Variants in TACR3 observed in about 807,000 individuals in gnomAD.
The protein encoded by TACR3 is neuromedin-K receptor.
TACR3 carries 34 observed loss-of-function variants against 35.0 expected under a neutral mutation model. The observed-to-expected ratio is 0.97, with a 90% CI of 0.74 to 1.30. The LOEUF (loss-of-function observed/expected upper bound fraction) is 1.30, where lower values mean the gene tolerates loss of function less well. Ranked by LOEUF, TACR3 falls within the 50% of genes most tolerant of loss-of-function variation. The probability of loss-of-function intolerance (pLI) is 0.00; values close to 1 mark genes in which losing one functional copy is unlikely to be tolerated. For synonymous variants in TACR3, 233 were observed against 221.1 expected (o/e 1.05, Z -0.48); for missense variants, 558 against 591.7 (o/e 0.94, Z 0.59).
chr4:103,644,124 G>A (rs1725412224), intron 3 of TACR3, among the ~76,000 whole-genome samples: 2 of 151,792 alleles, frequency 1.3e-5, no homozygotes, highest in African/African-American at 4.8e-5. Flanking sequence ...CACATAGAGA[G>A]CAGGAGGAAT....
chr4:103,700,431 T>A (rs1441375584), intron 1 of TACR3, among the ~76,000 whole-genome samples: 1 of 152,174 alleles, frequency 6.6e-6, no homozygotes, highest in Non-Finnish European at 1.5e-5. Flanking sequence ...ATCTTATAGA[T>A]GATAATACAA....
intron 1 of TACR3, among the ~76,000 whole-genome samples, chr4:103,702,236 C>T (rs887630443): frequency 6.6e-5 from 10 of 152,100 alleles, no homozygotes; most frequent in Non-Finnish European, 1.0e-4. Flanking sequence ...AAAAAGTGGG[C>T]AAAGGATATG....
chr4:103,598,553 C>T (rs1194283319), intron 3 of TACR3, among the ~76,000 whole-genome samples: 3 of 152,052 alleles, frequency 2.0e-5, no homozygotes, highest in Admixed American at 6.6e-5. Flanking sequence ...AATGGTATTG[C>T]CTATGTTTTC....
chr4:103,591,442 A>C, intron 4 of TACR3, 45 bp downstream of exon 4: 1 of 1,598,400 alleles, frequency 6.3e-7, no homozygotes, highest in Non-Finnish European at 8.6e-7. Context: ...TTTCCAGTGA[A>C]GGTGGGTGTG....
intron 1 of TACR3, among the ~76,000 whole-genome samples, chr4:103,687,985 T>C (rs1016134877): frequency 6.6e-6 from 1 of 152,194 alleles, no homozygotes; most frequent in Non-Finnish European, 1.5e-5. Context: ...TCACGCTACC[T>C]GACTTCAAAC....
chr4:103,665,353 T>C (rs1725915094), intron 1 of TACR3, among the ~76,000 whole-genome samples: 1 of 150,392 alleles, frequency 6.6e-6, no homozygotes, highest in Admixed American at 6.7e-5. Flanking sequence ...AATCACTTGT[T>C]CATCTAAAAT....
intron 1 of TACR3, among the ~76,000 whole-genome samples, chr4:103,691,138 T>C (rs1722394444): frequency 6.6e-6 from 1 of 152,186 alleles, no homozygotes; most frequent in Non-Finnish European, 1.5e-5. Flanking sequence ...TGAAAACTTC[T>C]GTTCACACAA....
intron 3 of TACR3, among the ~76,000 whole-genome samples, chr4:103,612,861 C>T (rs1370383580): frequency 6.6e-6 from 1 of 151,770 alleles, no homozygotes. Flanking sequence ...AGAAGAATAC[C>T]CAGAGCACAT....
Position 103,719,667 on chromosome 4 carries a change from A to G in TACR3, c.9T>C (p.Thr3=). 1 of 1,610,242 alleles carries G rather than the reference A, an allele frequency of 6.2e-7. No individual in the cohort carries two copies. Among genetic ancestry groups the G allele is most frequent in the Admixed American group, 1.7e-5 (1 of 60,014 alleles). The change falls in exon 1 of 5, where the codon ACT becomes ACC. Residue 3 remains threonine (T), a synonymous_variant. Transcript: ENST00000304883. ...CTATCCAGGTTTCTGCTGCTGGGAG[A>G]GTGGCCATCGCCACCGGTCTGCAGT... MA[T]LPAAETWIDG...
rs746690318 is a variant in TACR3, at chr4:103,719,386, G to A, written c.290C>T (p.Ala97Val). ...LWSLAYGVVV[A>V]VAVLGNLIVI... Reference sequence around the variant, plus strand: ...GATGAGATTTCCCAAAACTGCCACTGCCACCACCACACCATACGCCAGGGA... The same window carrying A: ...GATGAGATTTCCCAAAACTGCCACTACCACCACCACACCATACGCCAGGGA... Residue 97 changes from alanine to valine, a missense_variant, in exon 1 of 5, where the codon GCA (alanine) becomes GTA (valine). Ala to Val is a moderately conservative substitution (Grantham distance 64). Coordinates refer to ENST00000304883, the MANE Select transcript of TACR3 (RefSeq NM_001059.3). 9 of 1,614,112 alleles carry A rather than the reference G, an allele frequency of 5.6e-6. No homozygotes were observed. In the Admixed American group the frequency reaches 1.2e-4, roughly 21 times the overall value.
intron 1 of TACR3, among the ~76,000 whole-genome samples, chr4:103,697,570 G>T (rs764320339): frequency 1.3e-5 from 2 of 151,702 alleles, no homozygotes; most frequent in African/African-American, 4.8e-5. Flanking sequence ...GACTACAGGC[G>T]CCCGCCACCA....
chr4:103,708,964 TA>T (rs1560540451), intron 1 of TACR3, among the ~76,000 whole-genome samples: 1 of 151,980 alleles, frequency 6.6e-6, no homozygotes, highest in African/African-American at 2.4e-5. Context: ...GAAAAAAGAA[TA>T]AAAAGAAATG....
intron 3 of TACR3, among the ~76,000 whole-genome samples, chr4:103,629,849 ACAAAAAAAAAAC>A (rs1461555098): frequency 9.1e-6 from 1 of 109,558 alleles, no homozygotes; most frequent in African/African-American, 3.8e-5. Context: ...CCTAAGCAAA[ACAAAAAAAAAAC>A]AAAAAAAAAA....
chr4:103,621,157 G>A (rs909975036), intron 3 of TACR3, among the ~76,000 whole-genome samples: 8 of 152,210 alleles, frequency 5.3e-5, no homozygotes, highest in Non-Finnish European at 8.8e-5. Flanking sequence ...ATATTGAAGA[G>A]TCCTTCTAGA....
chr4:103,632,996 T>A (rs1402216660), intron 3 of TACR3, among the ~76,000 whole-genome samples: 1 of 152,046 alleles, frequency 6.6e-6, no homozygotes, highest in Admixed American at 6.6e-5. Flanking sequence ...AAAAAAAAGA[T>A]TAAAAAGTGT....
intron 1 of TACR3, among the ~76,000 whole-genome samples, chr4:103,714,088 C>T (rs74710275): frequency 0.12 from 17,758 of 151,958 alleles, 1,348 homozygotes; most frequent in East Asian, 0.37. Context: ...GCTTGTTAGA[C>T]ATTTTTCTTT....
At chr4:103,692,364 A>T (rs942204270) in intron 1 of TACR3, among the ~76,000 whole-genome samples, 1 of 152,186 alleles carries the variant, frequency 6.6e-6, no homozygotes, top group Non-Finnish European at 1.5e-5. Flanking sequence ...TCACAGGAAG[A>T]CATAACAATC....
intron 1 of TACR3, among the ~76,000 whole-genome samples, chr4:103,703,673 T>C (rs1273308817): frequency 6.6e-6 from 1 of 152,134 alleles, no homozygotes; most frequent in Non-Finnish European, 1.5e-5. Context: ...ATAAAAATGA[T>C]TTATGCTCAG....
intron 3 of TACR3, among the ~76,000 whole-genome samples, chr4:103,648,535 C>T (rs1261045064): frequency 1.3e-5 from 2 of 152,032 alleles, no homozygotes; most frequent in South Asian, 2.1e-4. Flanking sequence ...TGGGACCATA[C>T]AAACTTCATC....
Sources: gnomAD v4.1 joint callset for allele counts (sites outside exome capture counted in the v4.1 genomes callset) on GRCh38, gnomAD v4.1.1 for gene constraint, MANE v1.5 for transcripts, NCBI Gene and HGNC (gene_info 2026-07-23, HGNC 2026-07-21) for gene names.